Variants in PTPRC observed in about 807,000 individuals in gnomAD.
PTPRC encodes receptor-type tyrosine-protein phosphatase C.
In PTPRC, 44 loss-of-function variants were observed where a neutral mutation model predicts 155.9. That is an observed-to-expected ratio of 0.28 (90% CI 0.22 to 0.36). The LOEUF is 0.36. PTPRC is among the 10% of genes least tolerant of loss of function. PTPRC has a pLI of 1.00. For missense variants in PTPRC, 1,401 were observed against 1,564.6 expected, an observed-to-expected ratio of 0.90 and a Z score of 1.76; for synonymous variants, 525 against 533.1, an observed-to-expected ratio of 0.98 and a Z score of 0.21.
chr1:198,732,187 A>C lies in PTPRC; in HGVS notation c.1975-113A>C, dbSNP rs1245884172. 7.6e-5 allele frequency: 65 copies of C among 859,398 alleles called. 1 individual carries two copies. Among genetic ancestry groups the C allele is most frequent in the Non-Finnish European group, 1.1e-5 (6 of 528,854 alleles). 53.2% of individuals were successfully genotyped at this position (859,398 alleles called of 1,614,324 possible). A position where few individuals can be genotyped will look rare whatever the true frequency, so the allele number is the denominator to read the frequency against. ...ATTACTCTAAGCAAATTTTTTTATCAATATGAAGAAAATATTTTACAGGAT... is the reference window on the plus strand; with the variant it reads ...ATTACTCTAAGCAAATTTTTTTATCCATATGAAGAAAATATTTTACAGGAT... On this transcript the variant is annotated intron_variant, in intron 18 of 32. Coordinates refer to ENST00000442510, the MANE Select transcript of PTPRC (RefSeq NM_002838.5).
chr1:198,755,080 CAT>C (rs1655566612), intron 32 of PTPRC, among the ~76,000 whole-genome samples: 1 of 152,102 alleles, frequency 6.6e-6, no homozygotes, highest in Admixed American at 6.6e-5. Flanking sequence ...AAGTGACACA[CAT>C]GTCTTCTTCT....
At chr1:198,738,030 T>A (rs1245042656) in intron 23 of PTPRC, among the ~76,000 whole-genome samples, 2 of 151,856 alleles carry the variant, frequency 1.3e-5, no homozygotes, top group East Asian at 3.9e-4. Flanking sequence ...TTACTGAATT[T>A]GTTAATCAGT....
In PTPRC at chr1:198,639,062, T is replaced by C; in HGVS notation, c.-119T>C. ...TCTGACATCATCACCTAGCAGTTCATGCAGCTAGCAAGTGGTTTGTTCTTA... is the reference window on the plus strand; with the variant it reads ...TCTGACATCATCACCTAGCAGTTCACGCAGCTAGCAAGTGGTTTGTTCTTA... On this transcript the variant is annotated 5_prime_UTR_variant, in exon 1 of 33. An upstream start codon of the reference 5' UTR is lost. Transcript: ENST00000442510. 1.7e-6 allele frequency: 1 copy of C among 572,924 alleles called. No homozygotes were observed. The highest frequency in any genetic ancestry group is 3.1e-6 in the Non-Finnish European group (1 of 320,332). The allele number at this position is 572,924 out of a possible 1,614,324, so 35.5% of individuals were successfully genotyped here. A position where few individuals can be genotyped will look rare whatever the true frequency, so the allele number is the denominator to read the frequency against.
intron 2 of PTPRC, chr1:198,666,965 G>A (rs1416679232): frequency 6.6e-6 from 1 of 152,172 alleles, no homozygotes; most frequent in Non-Finnish European, 1.5e-5. Flanking sequence ...TCCATGACTA[G>A]TACAAAGACA....
intron 5 of PTPRC, among the ~76,000 whole-genome samples, chr1:198,700,440 A>G (rs1666408152): frequency 6.6e-6 from 1 of 152,214 alleles, no homozygotes; most frequent in South Asian, 2.1e-4. Flanking sequence ...TTAGGTAGGA[A>G]TCAAACACAT....
At chr1:198,738,364 T>C (rs1654744532) in intron 23 of PTPRC, among the ~76,000 whole-genome samples, 1 of 151,848 alleles carries the variant, frequency 6.6e-6, no homozygotes, top group Non-Finnish European at 1.5e-5. Flanking sequence ...TATGAAGAGA[T>C]GTTGAATTTT....
chr1:198,724,579 G>A (rs987393643), intron 15 of PTPRC, among the ~76,000 whole-genome samples: 6 of 151,776 alleles, frequency 4.0e-5, no homozygotes, highest in African/African-American at 1.5e-4. Context: ...TCAGTGTATC[G>A]ACTTGGTATA....
chr1:198,648,152 A>T (rs902291856), intron 2 of PTPRC, among the ~76,000 whole-genome samples: 2 of 151,732 alleles, frequency 1.3e-5, no homozygotes, highest in African/African-American at 2.4e-5. Context: ...TGTGTAGATT[A>T]TTATTAGATA....
At chr1:198,697,730 A>T (rs193284964) in intron 4 of PTPRC, among the ~76,000 whole-genome samples, 15 of 152,358 alleles carry the variant, frequency 9.8e-5, no homozygotes, top group Non-Finnish European at 1.8e-4. Context: ...AAAGATACTA[A>T]GCTATTTGAA....
intron 20 of PTPRC, 93 bp from the exon 21 acceptor site, chr1:198,734,103 G>T (rs2102490036): frequency 8.4e-7 from 1 of 1,186,872 alleles, no homozygotes. Context: ...CAAAATGATG[G>T]ATCTGAAGCA....
chr1:198,708,532 C>T (rs1016007821), intron 10 of PTPRC, among the ~76,000 whole-genome samples: 3 of 151,894 alleles, frequency 2.0e-5, no homozygotes, highest in Non-Finnish European at 2.9e-5. Flanking sequence ...AATTAATTTA[C>T]AATAATTTTC....
intron 2 of PTPRC, among the ~76,000 whole-genome samples, chr1:198,687,031 G>A (rs1242451061): frequency 3.3e-5 from 5 of 151,876 alleles, no homozygotes. Flanking sequence ...TTTGAGTCAG[G>A]GTCTCACCCT....
chr1:198,680,332 A>G (rs1277154040), intron 2 of PTPRC, among the ~76,000 whole-genome samples: 1 of 152,086 alleles, frequency 6.6e-6, no homozygotes, highest in Non-Finnish European at 1.5e-5. Context: ...GCATGTTTGT[A>G]ATCCCATATA....
chr1:198,677,155 T>C (rs1665001890), intron 2 of PTPRC, among the ~76,000 whole-genome samples: 1 of 152,218 alleles, frequency 6.6e-6, no homozygotes, highest in African/African-American at 2.4e-5. Context: ...CTGCTATCCA[T>C]TTTAAATTCT....
Position 198,755,932 on chromosome 1 carries a change from C to A in PTPRC, c.3672C>A (p.Val1224=), listed in dbSNP as rs752303061. 16 of 1,612,006 alleles carry A rather than the reference C, an allele frequency of 9.9e-6. No homozygotes were observed. Among genetic ancestry groups the A allele is most frequent in the Middle Eastern group, 1.6e-4 (1 of 6,074 alleles). ...AGCAATATCAATTCCTATATGACGTCATTGCCAGCACCTACCCTGCTCAGA... is the reference window on the plus strand; with the variant it reads ...AGCAATATCAATTCCTATATGACGTAATTGCCAGCACCTACCCTGCTCAGA... The part of the protein sequence containing the change: ...TFEQYQFLYD[V]IASTYPAQNG... The change falls in exon 33 of 33, where the codon GTC becomes GTA. Residue 1224 remains valine (V), a synonymous_variant. Coordinates refer to ENST00000442510, the MANE Select transcript of PTPRC (RefSeq NM_002838.5).
intron 2 of PTPRC, among the ~76,000 whole-genome samples, chr1:198,661,933 G>T (rs1351663355): frequency 6.6e-6 from 1 of 152,064 alleles, no homozygotes; most frequent in African/African-American, 2.4e-5. Context: ...AATACTCTTG[G>T]ATTTCAATTT....
At chr1:198,702,755 GA>G (rs1481142106) in intron 6 of PTPRC, among the ~76,000 whole-genome samples, 2 of 152,108 alleles carry the variant, frequency 1.3e-5, no homozygotes, top group Admixed American at 1.3e-4. Flanking sequence ...TGGCAAAGAA[GA>G]ATCAATAATA....
intron 10 of PTPRC, among the ~76,000 whole-genome samples, chr1:198,708,596 A>G (rs1244288384): frequency 6.6e-6 from 1 of 152,232 alleles, no homozygotes; most frequent in Non-Finnish European, 1.5e-5. Context: ...GAAGGGTGTT[A>G]TAAGGAAATG....
chr1:198,678,258 A>T (rs938326740), intron 2 of PTPRC, among the ~76,000 whole-genome samples: 3 of 152,272 alleles, frequency 2.0e-5, no homozygotes, highest in Admixed American at 1.3e-4. Flanking sequence ...AAATCAAATT[A>T]AAAAGTCAAA....
Sources: allele counts gnomAD v4.1 joint callset (sites outside exome capture counted in the v4.1 genomes callset), GRCh38; gene constraint gnomAD v4.1.1; transcripts MANE v1.5; gene names NCBI Gene and HGNC (gene_info 2026-07-23, HGNC 2026-07-21).